The following FAM53B variants were observed in gnomAD, a reference collection of about 807,000 sequenced individuals.
The protein encoded by FAM53B is protein FAM53B.
A neutral mutation model predicts 32.7 loss-of-function variants in FAM53B; 12 were observed. The ratio of observed to expected loss-of-function variants is 0.37; its 90% CI spans 0.24 to 0.59. The LOEUF is 0.59. Among genes scored for constraint, FAM53B ranks in the 20% least tolerant of loss-of-function variants. FAM53B has a pLI of 0.72. For missense variants in FAM53B, 477 were observed against 577.7 expected, an observed-to-expected ratio of 0.83 and a Z score of 1.79; for synonymous variants, 234 against 228.7, an observed-to-expected ratio of 1.02 and a Z score of -0.21.
At position 124,621,856 on chromosome 10, in the gene FAM53B, C is replaced by T. The variant is rs1037084552; in HGVS notation, c.*1386G>A. 6 of 152,376 alleles carry T rather than the reference C, an allele frequency of 3.9e-5. No homozygotes were observed. The highest frequency in any genetic ancestry group is 1.4e-4 in the African/African-American group (6 of 41,436). 9.4% of individuals were successfully genotyped at this position (152,376 alleles called of 1,614,324 possible). ...ATTTTTAGCCTTATGGGAAAATGAG[C>T]CACTTGCTCCTAAGCCAGCCCAATT... On this transcript the variant is annotated 3_prime_UTR_variant, in exon 5 of 5. Transcript: ENST00000337318.
At chr10:124,721,447 T>A (rs947866328) in intron 1 of FAM53B, among the ~76,000 whole-genome samples, 2 of 152,254 alleles carry the variant, frequency 1.3e-5, no homozygotes, top group Non-Finnish European at 2.9e-5. Flanking sequence ...AGAGCCGCAC[T>A]GCAGGCTTCA....
intron 1 of FAM53B, among the ~76,000 whole-genome samples, chr10:124,741,669 G>A (rs1027017948): frequency 2.6e-5 from 4 of 152,132 alleles, no homozygotes; most frequent in African/African-American, 9.7e-5. Flanking sequence ...TATATAAGGG[G>A]AAAGAGAAAG....
intron 1 of FAM53B, among the ~76,000 whole-genome samples, chr10:124,709,864 G>T (rs1949988723): frequency 6.6e-6 from 1 of 151,006 alleles, no homozygotes. Flanking sequence ...AAAAATAGAA[G>T]GAGTCCAGCA....
chr10:124,731,107 C>G (rs916817236), intron 1 of FAM53B, among the ~76,000 whole-genome samples: 1 of 152,208 alleles, frequency 6.6e-6, no homozygotes, highest in African/African-American at 2.4e-5. Flanking sequence ...ACCTTGGGCA[C>G]TTTACCTCAC....
chr10:124,695,308 G>A (rs1302678081), intron 3 of FAM53B, among the ~76,000 whole-genome samples: 1 of 152,134 alleles, frequency 6.6e-6, no homozygotes, highest in Non-Finnish European at 1.5e-5. Context: ...ACACTGAGAG[G>A]TCAAACAATG....
chr10:124,634,840 T>C lies in FAM53B; in HGVS notation c.907-11236A>G, dbSNP rs188241768. Among the ~76,000 whole-genome samples the C allele has an allele frequency of 6.0e-3, 913 of 152,300 alleles. 3 individuals are homozygous for C. Among genetic ancestry groups the C allele is most frequent in the Middle Eastern group, 0.01 (3 of 294 alleles). ...TTCTTTTGAGGTGATAAAAATGTTC[T>C]AAAATTGATTGTGGTGATGGCTGTA... is the stretch of plus-strand genomic sequence containing the variant. On this transcript the variant is annotated intron_variant, in intron 4 of 4. Transcript: ENST00000337318.
At chr10:124,642,667 G>A (rs1329250747) in intron 4 of FAM53B, among the ~76,000 whole-genome samples, 1 of 152,134 alleles carries the variant, frequency 6.6e-6, no homozygotes, top group Non-Finnish European at 1.5e-5. Flanking sequence ...ACGTGCAACT[G>A]CCGATCACAG....
At chr10:124,717,593 G>A (rs1950044902) in intron 1 of FAM53B, among the ~76,000 whole-genome samples, 1 of 152,236 alleles carries the variant, frequency 6.6e-6, no homozygotes, top group South Asian at 2.1e-4. Context: ...GCAGGCCACA[G>A]GGACTCTTCC....
intron 1 of FAM53B, among the ~76,000 whole-genome samples, chr10:124,717,648 G>A (rs892679619): frequency 6.6e-6 from 1 of 152,214 alleles, no homozygotes; most frequent in East Asian, 1.9e-4. Flanking sequence ...TGCAGAACCT[G>A]CCCCTCTCTT....
intron 3 of FAM53B, among the ~76,000 whole-genome samples, chr10:124,688,591 C>A (rs1240014723): frequency 6.6e-6 from 1 of 152,188 alleles, no homozygotes; most frequent in Non-Finnish European, 1.5e-5. Flanking sequence ...CAGTTTCTGA[C>A]TTTTGACTAT....
chr10:124,669,632 G>C (rs909359149), intron 4 of FAM53B, among the ~76,000 whole-genome samples: 1 of 152,232 alleles, frequency 6.6e-6, no homozygotes. Flanking sequence ...GACCGTCAGG[G>C]AACCCAAAGC....
intron 1 of FAM53B, among the ~76,000 whole-genome samples, chr10:124,737,325 G>A (rs1329810997): frequency 2.0e-5 from 3 of 152,174 alleles, no homozygotes; most frequent in Non-Finnish European, 4.4e-5. Context: ...TTGGCAAAGA[G>A]GCCAAAACCT....
intron 4 of FAM53B, among the ~76,000 whole-genome samples, chr10:124,663,527 A>C (rs1949647030): frequency 6.6e-6 from 1 of 152,176 alleles, no homozygotes; most frequent in African/African-American, 2.4e-5. Context: ...CCTCCCACAG[A>C]GGGCCCATCT....
intron 3 of FAM53B, among the ~76,000 whole-genome samples, chr10:124,695,654 C>A (rs571986689): frequency 1.3e-5 from 2 of 152,086 alleles, no homozygotes; most frequent in Non-Finnish European, 1.5e-5. Context: ...CCACCCAATG[C>A]GGTACTGTAG....
intron 4 of FAM53B, among the ~76,000 whole-genome samples, chr10:124,670,221 C>T (rs747757169): frequency 2.0e-5 from 3 of 152,152 alleles, no homozygotes; most frequent in Non-Finnish European, 4.4e-5. Flanking sequence ...AGCCTGTCCC[C>T]GACACTGGGG....
At chr10:124,719,186 A>G (rs1950054078) in intron 1 of FAM53B, among the ~76,000 whole-genome samples, 1 of 152,226 alleles carries the variant, frequency 6.6e-6, no homozygotes, top group Admixed American at 6.5e-5. Context: ...TTGGAGGAAC[A>G]GCTGCTCAAC....
rs1485551704 is a variant in FAM53B at position 124,744,194 on chromosome 10, C to G, written c.-356G>C. On this transcript the variant is annotated 5_prime_UTR_variant, in exon 1 of 5. Transcript: ENST00000337318. ...TTGTCACTTCCTGAAGTGTTTGCAACTCGTCCCTTTAACCGGCACCGGCCA... is the reference window on the plus strand; with the variant it reads ...TTGTCACTTCCTGAAGTGTTTGCAAGTCGTCCCTTTAACCGGCACCGGCCA... 1 of 147,374 alleles carries G rather than the reference C, an allele frequency of 6.8e-6. No homozygotes were observed. Among genetic ancestry groups the G allele is most frequent in the South Asian group, 2.1e-4 (1 of 4,840 alleles). The allele number at this position is 147,374 out of a possible 1,614,324, so 9.1% of individuals were successfully genotyped here.
intron 2 of FAM53B, among the ~76,000 whole-genome samples, chr10:124,698,201 G>A (rs548619720): frequency 2.0e-5 from 3 of 152,236 alleles, no homozygotes; most frequent in East Asian, 1.9e-4. Context: ...CCCCCAGCCC[G>A]TGCCTGCCAG....
intron 4 of FAM53B, among the ~76,000 whole-genome samples, chr10:124,665,784 G>A (rs968856987): frequency 3.9e-5 from 6 of 152,156 alleles, no homozygotes; most frequent in African/African-American, 1.4e-4. Context: ...TGCATCCCTG[G>A]TGCCTACAAG....
Sources: gnomAD v4.1 joint callset for allele counts (sites outside exome capture counted in the v4.1 genomes callset) on GRCh38, gnomAD v4.1.1 for gene constraint, MANE v1.5 for transcripts, NCBI Gene and HGNC (gene_info 2026-07-23, HGNC 2026-07-21) for gene names.